Variants in GMEB2 observed in about 807,000 individuals in gnomAD.
GMEB2 encodes glucocorticoid modulatory element-binding protein 2.
GMEB2 carries 7 observed loss-of-function variants against 45.7 expected under a neutral mutation model. The observed-to-expected ratio is 0.15, with a 90% confidence interval of 0.09 to 0.29. The LOEUF (loss-of-function observed/expected upper bound fraction) is 0.29, where lower values mean the gene tolerates loss of function less well. Among genes scored for constraint, GMEB2 ranks in the 10% least tolerant of loss-of-function variants. The pLI is 1.00. For synonymous variants in GMEB2, 322 were observed against 323.6 expected, an observed-to-expected ratio of 1.00 and a Z score of 0.05; for missense variants, 582 against 739.2, an observed-to-expected ratio of 0.79 and a Z score of 2.47.
chr20:63,597,164 GTT>G (rs10627120), intron 5 of GMEB2, among the ~76,000 whole-genome samples: 3 of 132,644 alleles, frequency 2.3e-5, no homozygotes, highest in African/African-American at 2.8e-5. Context: ...TTTTATTCTT[GTT>G]TTTTTTTTTT....
At chr20:63,614,824 G>T (rs2146086975) in intron 2 of GMEB2, among the ~76,000 whole-genome samples, 1 of 152,226 alleles carries the variant, frequency 6.6e-6, no homozygotes, top group African/African-American at 2.4e-5. Context: ...GAAGGGAAGG[G>T]CCCCCTGGCC....
At chr20:63,614,588 C>G (rs935048012) in intron 2 of GMEB2, among the ~76,000 whole-genome samples, 9 of 152,204 alleles carry the variant, frequency 5.9e-5, no homozygotes, top group East Asian at 1.9e-4. Context: ...GGCCTGACAT[C>G]AGTCAGGCCC....
intron 4 of GMEB2, among the ~76,000 whole-genome samples, chr20:63,600,600 C>T (rs966216278): frequency 6.6e-6 from 1 of 151,462 alleles, no homozygotes; most frequent in African/African-American, 2.4e-5. Flanking sequence ...TGCCCGTAGT[C>T]CCAGCTACTC....
At chr20:63,609,384 C>CCATTTCTAGAAACATGCCCCTGTG (rs2146079964) in intron 2 of GMEB2, among the ~76,000 whole-genome samples, 1 of 136,964 alleles carries the variant, frequency 7.3e-6, no homozygotes, top group African/African-American at 2.7e-5. Flanking sequence ...CCTCTGACCT[C>CCATTTCTAGAAACATGCCCCTGTG]ACCTCCATTT....
Position 63,590,100 on chromosome 20 carries a change from C to A in GMEB2, c.1582G>T (p.Glu528Ter). 1 of 1,510,866 alleles carries A rather than the reference C, an allele frequency of 6.6e-7. No individual in the cohort carries two copies. The highest frequency in any genetic ancestry group is 1.3e-5 in the South Asian group (1 of 76,730). 93.6% of individuals were successfully genotyped at this position (1,510,866 alleles called of 1,614,324 possible). A position where few individuals can be genotyped will look rare whatever the true frequency, so the allele number is the denominator to read the frequency against. Reference sequence around the variant, plus strand: ...CGCCCTCCTGTCGGCTACTTCCGCTCGTGGTCCTCTGCCATGGCAGCCACC... The same window carrying A: ...CGCCCTCCTGTCGGCTACTTCCGCTAGTGGTCCTCTGCCATGGCAGCCACC... ...IEVAAMAEDH[E>*]RK The change falls in exon 10 of 10, where the codon GAG (glutamate) becomes TAG (stop). Residue 528 changes from glutamate to a stop codon, truncating the protein, a stop_gained. Transcript: ENST00000370077. LOFTEE classifies it high-confidence loss of function.
Position 63,590,295 on chromosome 20 carries a change from G to A in GMEB2, c.1387C>T (p.Gln463Ter). Residue 463 changes from glutamine (Q) to a stop codon, truncating the protein, a stop_gained, in exon 10 of 10, where the codon CAG becomes TAG. Transcript: ENST00000370077. LOFTEE classifies it high-confidence loss of function. ...SLTVLSTAAV[Q>*]DGSTVFKVVS... ...ACCTTGAACACCGTGCTACCGTCCT[G>A]CACGGCGGCCGTGCTCAGGACCGTG... The A allele has an allele frequency of 1.2e-6, 2 of 1,612,716 alleles. No homozygotes were observed. Among genetic ancestry groups the A allele is most frequent in the South Asian group, 1.1e-5 (1 of 91,074 alleles).
intron 4 of GMEB2, among the ~76,000 whole-genome samples, chr20:63,599,053 T>C (rs1387577687): frequency 6.6e-6 from 1 of 152,214 alleles, no homozygotes; most frequent in Non-Finnish European, 1.5e-5. Flanking sequence ...TGTACTCTCA[T>C]GAGTGGCTCC....
intron 2 of GMEB2, among the ~76,000 whole-genome samples, chr20:63,610,318 G>A (rs1013486480): frequency 6.6e-6 from 1 of 152,152 alleles, no homozygotes; most frequent in Non-Finnish European, 1.5e-5. Context: ...TCAGGAGATC[G>A]AGACCATCCT....
chr20:63,615,654 G>T (rs1184741710), intron 2 of GMEB2, among the ~76,000 whole-genome samples: 1 of 152,084 alleles, frequency 6.6e-6, no homozygotes, highest in East Asian at 1.9e-4. Flanking sequence ...AATTTGAATT[G>T]AATATTAGAA....
rs1208638284 is a variant in GMEB2, at chr20:63,619,325, C to T, written c.73G>A (p.Gly25Ser). 8 of 1,612,970 alleles carry T rather than the reference C, an allele frequency of 5.0e-6. No individual in the cohort carries two copies. The highest frequency in any genetic ancestry group is 4.4e-5 in the South Asian group (4 of 91,068). ...GTCTTCACCCCCTCCACACCACTGC[C>T]GTCCACTGCAGTGTCCGGAGTTGTC... ...VVTTPDTAVD[G>S]SGVEGVKTVL... is the part of the protein sequence containing the mutation. The change falls in exon 2 of 10, where the codon GGC becomes AGC. Residue 25 changes from glycine to serine, a missense_variant. Around this residue, in one of 3 missense-constraint regions of GMEB2, gnomAD observed 114 missense variants for 123.4 expected, o/e 0.92. Transcript: ENST00000370077. The surrounding 1 kb of genome is among the most constrained non-coding windows in gnomAD (Gnocchi z 4.6).
rs924709500 is a variant in GMEB2, at chr20:63,614,598, C to T, written c.131+4669G>A. ...CGGAGGGCCTGACATCAGTCAGGCCCGCCCGCAGTTATCCGGAGGCCTAAC... is the reference window on the plus strand; with the variant it reads ...CGGAGGGCCTGACATCAGTCAGGCCTGCCCGCAGTTATCCGGAGGCCTAAC... On this transcript the variant is annotated intron_variant, in intron 2 of 9. Coordinates refer to ENST00000370077, the MANE Select transcript of GMEB2 (RefSeq NM_012384.5). Among the ~76,000 whole-genome samples, 14 of 152,288 alleles carry T rather than the reference C, an allele frequency of 9.2e-5. 2 individuals carry two copies. In the South Asian group the frequency reaches 1.2e-3, roughly 14 times the overall value.
At position 63,592,120 on chromosome 20, in the gene GMEB2, A is replaced by C; in HGVS notation, c.854T>G (p.Val285Gly). ...LRDAVLLNNI[V>G]QNFGMLDLVK... Reference sequence around the variant, plus strand: ...CAGGTCCAGCATGCCGAAGTTCTGCACGATGTTGTTGAGAAGTACAGCATC... The same window carrying C: ...CAGGTCCAGCATGCCGAAGTTCTGCCCGATGTTGTTGAGAAGTACAGCATC... The change falls in exon 9 of 10, where the codon GTG becomes GGG. Residue 285 changes from valine (V) to glycine (G), a missense_variant. By Grantham distance (109) the Val-to-Gly change is moderately radical. Transcript: ENST00000370077. This position sits in a 1 kb window ranked among gnomAD's most constrained non-coding sequence, Gnocchi z 8.2. The C allele has an allele frequency of 6.2e-7, 1 of 1,613,712 alleles. No homozygotes were observed. The highest frequency in any genetic ancestry group is 8.5e-7 in the Non-Finnish European group (1 of 1,179,856).
In GMEB2 at chr20:63,626,380, CCTGCGGGGTGGCCCCTGGGG is replaced by C. The variant is rs2089672728; in HGVS notation, c.-58+556_-58+575del. Among the ~76,000 whole-genome samples the C allele has an allele frequency of 1.5e-4, 18 of 121,112 alleles. 1 individual carries two copies. In the South Asian group the frequency reaches 4.9e-3, roughly 33 times the overall value. The allele number at this position is 121,112 out of a possible 152,430, so 79.5% of individuals were successfully genotyped here. On this transcript the variant is annotated intron_variant, in intron 1 of 9. Transcript: ENST00000370077. ...GAATCGCGTCCCTGCGGGTCGGGTG[CCTGCGGGGTGGCCCCTGGGG>C]ATCGCGTCCCTGCGGGTCGGGTGCC...
At position 63,627,022 on chromosome 20, in the gene GMEB2, C is replaced by G; in HGVS notation, c.-124G>C. On this transcript the variant is annotated 5_prime_UTR_variant, in exon 1 of 10. Transcript: ENST00000370077. ...GCGGCGTCGGGAGCTGCGGCGGCGG[C>G]GGGCGGCGGCGGCGGCCGCGGGCTT... 1.3e-5 allele frequency: 2 copies of G among 149,276 alleles called. No individual in the cohort carries two copies. Among genetic ancestry groups the G allele is most frequent in the Non-Finnish European group, 2.9e-5 (2 of 68,154 alleles). 9.2% of individuals were successfully genotyped at this position (149,276 alleles called of 1,614,324 possible). A position where few individuals can be genotyped will look rare whatever the true frequency, so the allele number is the denominator to read the frequency against.
At position 63,597,973 on chromosome 20, in the gene GMEB2, C is replaced by T. The variant is rs2083212347; in HGVS notation, c.358-113G>A. ...GCAAGGCAGGAAAAGCGCCACGGCACGGCTCTGACCGGTGCAGGCCTCCTA... is the reference window on the plus strand; with the variant it reads ...GCAAGGCAGGAAAAGCGCCACGGCATGGCTCTGACCGGTGCAGGCCTCCTA... On this transcript the variant is annotated intron_variant, in intron 4 of 9. Transcript: ENST00000370077. 20 of 700,094 alleles carry T rather than the reference C, an allele frequency of 2.9e-5. 1 individual carries two copies. The highest frequency in any genetic ancestry group is 1.1e-4 in the South Asian group (7 of 65,208). 43.4% of individuals were successfully genotyped at this position (700,094 alleles called of 1,614,324 possible).
intron 5 of GMEB2, among the ~76,000 whole-genome samples, chr20:63,597,424 A>G (rs1356221567): frequency 2.0e-5 from 3 of 152,040 alleles, no homozygotes; most frequent in Non-Finnish European, 2.9e-5. Context: ...TCAGCCTCCT[A>G]AAGTGTTGGG....
intron 1 of GMEB2, among the ~76,000 whole-genome samples, chr20:63,624,212 T>C (rs2089655820): frequency 6.6e-6 from 1 of 151,086 alleles, no homozygotes; most frequent in South Asian, 2.1e-4. Context: ...AGGTCAGGAA[T>C]TCAAGACCAG....
intron 2 of GMEB2, among the ~76,000 whole-genome samples, chr20:63,615,768 G>T (rs1219375676): frequency 3.3e-5 from 5 of 152,252 alleles, no homozygotes; most frequent in Admixed American, 6.5e-5. Context: ...AACGCGAGGG[G>T]CACGTGCAGG....
At position 63,600,936 on chromosome 20, in the gene GMEB2, G is replaced by A. The variant is rs549150524; in HGVS notation, c.357+2029C>T. 5.9e-5 allele frequency among the ~76,000 whole-genome samples: 9 copies of A among 152,148 alleles called. No individual in the cohort carries two copies. The East Asian group carries it at 9.7e-4, about 16-fold the overall frequency. On this transcript the variant is annotated intron_variant, in intron 4 of 9. Transcript: ENST00000370077. ...GAGGCTCAAAGGGGAGGTCTGTCCC[G>A]AGCCTGATGATGTGAAGATGGATCG...
Sources: gnomAD v4.1 joint callset for allele counts (sites outside exome capture counted in the v4.1 genomes callset) on GRCh38, gnomAD v4.1.1 for gene constraint, gnomAD v4.1.1 regional missense constraint, Gnocchi (gnomAD v3.1) non-coding constraint, MANE v1.5 for transcripts, NCBI Gene and HGNC (gene_info 2026-07-23, HGNC 2026-07-21) for gene names.